DMD: variants seen among roughly 807,000 people sequenced by gnomAD.
DMD encodes mutant dystrophin.
A neutral mutation model predicts 330.1 loss-of-function variants in DMD; 63 were observed. The observed-to-expected ratio is 0.19, with a 90% CI of 0.16 to 0.24. DMD has a LOEUF of 0.24. Ranked by LOEUF, DMD falls within the 10% of genes least tolerant of loss-of-function variation. The pLI, the probability that DMD is intolerant of heterozygous loss-of-function variation, is 1.00. For synonymous variants in DMD, 1,223 were observed against 959.8 expected (o/e 1.27, Z -5.07); for missense variants, 3,344 against 2,684.1 (o/e 1.25, Z -5.43).
intron 2 of DMD, among the ~76,000 whole-genome samples, chrX:32,886,326 A>AT (rs2084561726): frequency 1.8e-5 from 2 of 110,236 alleles, no homozygotes; most frequent in African/African-American, 6.6e-5. Context: ...AAACTGGTAA[A>AT]AAATAATAAT....
intron 37 of DMD, among the ~76,000 whole-genome samples, chrX:32,357,714 C>T: frequency 9.2e-6 from 1 of 108,231 alleles, no homozygotes; most frequent in South Asian, 4.0e-4. Context: ...ACATCAAGAA[C>T]TCTTCATTGC....
intron 2 of DMD, among the ~76,000 whole-genome samples, chrX:33,008,418 A>G (rs1404516568): frequency 9.0e-6 from 1 of 110,961 alleles, no homozygotes; most frequent in Non-Finnish European, 1.9e-5. Context: ...AATCTTGGTA[A>G]GGTTAAAAAT....
intron 2 of DMD, among the ~76,000 whole-genome samples, chrX:32,902,552 T>C (rs891747549): frequency 9.0e-6 from 1 of 110,962 alleles, no homozygotes; most frequent in East Asian, 2.8e-4. Flanking sequence ...CCCAATGTAC[T>C]AATTTGAACT....
At chrX:32,332,852 CT>C (rs937791828) in intron 41 of DMD, among the ~76,000 whole-genome samples, 84 of 108,539 alleles carry the variant, frequency 7.7e-4, no homozygotes, top group African/African-American at 2.5e-3. Context: ...TTTTTTTTCT[CT>C]GAAAATTTGA....
intron 44 of DMD, among the ~76,000 whole-genome samples, chrX:32,200,515 G>A (rs979680043): frequency 5.4e-5 from 6 of 110,814 alleles, no homozygotes; most frequent in Admixed American, 3.8e-4. Context: ...ACATATGCAC[G>A]TGTTAGGTAA....
chrX:31,854,378 T>C (rs1252678273), intron 48 of DMD, among the ~76,000 whole-genome samples: 3 of 111,884 alleles, frequency 2.7e-5, no homozygotes. Context: ...AGGCTTTTCA[T>C]AGTAGGTCAG....
At chrX:32,953,397 A>G (rs1178149803) in intron 2 of DMD, among the ~76,000 whole-genome samples, 4 of 111,553 alleles carry the variant, frequency 3.6e-5, no homozygotes, top group African/African-American at 9.8e-5. Context: ...TAGTCTTTAT[A>G]TTTTTTGTCC....
At chrX:31,889,864 G>A (rs997791410) in intron 47 of DMD, among the ~76,000 whole-genome samples, 9 of 110,123 alleles carry the variant, frequency 8.2e-5, no homozygotes, top group Non-Finnish European at 1.3e-4. Flanking sequence ...GCATCAGCCT[G>A]GCTGATACAG....
intron 44 of DMD, among the ~76,000 whole-genome samples, chrX:32,196,903 G>A (rs1055772097): frequency 2.0e-5 from 2 of 97,697 alleles, no homozygotes; most frequent in Non-Finnish European, 4.0e-5. Flanking sequence ...GGAGAATGGC[G>A]TAAACCCGGG....
At chrX:32,787,213 AGTGTGTGT>A (rs72078806) in intron 7 of DMD, among the ~76,000 whole-genome samples, 79 of 83,371 alleles carry the variant, frequency 9.5e-4, no homozygotes, top group African/African-American at 3.4e-3. Context: ...CTCTCTGTCA[AGTGTGTGT>A]GTGTGTGTGT....
At chrX:31,475,256 A>G (rs946581912) in intron 59 of DMD, among the ~76,000 whole-genome samples, 1 of 112,148 alleles carries the variant, frequency 8.9e-6, no homozygotes, top group African/African-American at 3.2e-5. Flanking sequence ...GAGTTTTACC[A>G]ATCAGGGTAT....
rs762653874 is a variant in DMD at position 32,444,798 on chromosome X, G to C, written c.3787-3484C>G. On this transcript the variant is annotated intron_variant, in intron 27 of 78. Coordinates refer to ENST00000357033, the MANE Select transcript of DMD (RefSeq NM_004006.3). Reference sequence around the variant, plus strand: ...TTCTTCTTTCTCACCCTTTTATGGGGATAGGTAGGGTAAACTCATCTGAAT... The same window carrying C: ...TTCTTCTTTCTCACCCTTTTATGGGCATAGGTAGGGTAAACTCATCTGAAT... 1.8e-5 allele frequency among the ~76,000 whole-genome samples: 2 copies of C among 110,821 alleles called. 1 individual carries two copies. The highest frequency in any genetic ancestry group is 7.5e-4 in the South Asian group (2 of 2,655).
chrX:32,366,967 T>G (rs888502843), intron 34 of DMD, among the ~76,000 whole-genome samples: 3 of 112,338 alleles, frequency 2.7e-5, no homozygotes, highest in African/African-American at 9.7e-5. Flanking sequence ...GTGCTATTTG[T>G]TGCACACAGG....
At position 31,209,637 on chromosome X, in the gene DMD, C is replaced by G; in HGVS notation, c.9424G>C (p.Asp3142His). ...ATCTGCAGGATATCCATGGGCTGGT[C>G]ATTTTGCTTGAGGTTGTGCTGGTCC... ...ALDQHNLKQN[D>H]QPMDILQIIN... Residue 3142 changes from aspartate to histidine, a missense_variant, in exon 65 of 79, where the codon GAC becomes CAC. Coordinates refer to ENST00000357033, the MANE Select transcript of DMD (RefSeq NM_004006.3). 8.3e-7 allele frequency: 1 copy of G among 1,211,592 alleles called. No homozygotes were observed.
intron 43 of DMD, among the ~76,000 whole-genome samples, chrX:32,274,412 C>A (rs2148370813): frequency 8.9e-6 from 1 of 111,817 alleles, no homozygotes; most frequent in African/African-American, 3.2e-5. Context: ...TTTAAACTAA[C>A]CTCTAAGTGA....
At chrX:32,344,847 C>T (rs926761996) in intron 39 of DMD, among the ~76,000 whole-genome samples, 3 of 111,503 alleles carry the variant, frequency 2.7e-5, no homozygotes, top group African/African-American at 9.8e-5. Context: ...GTGTGAGTTA[C>T]ATAGCGTTCC....
intron 1 of DMD, among the ~76,000 whole-genome samples, chrX:33,266,292 G>T (rs1258964287): frequency 8.9e-6 from 1 of 111,923 alleles, no homozygotes; most frequent in Non-Finnish European, 1.9e-5. Flanking sequence ...CAACGTAGAT[G>T]ATTTTTGACC....
intron 36 of DMD, among the ~76,000 whole-genome samples, chrX:32,364,100 T>A (rs750610105): frequency 8.9e-6 from 1 of 111,973 alleles, no homozygotes; most frequent in Non-Finnish European, 1.9e-5. Flanking sequence ...CTAGTTTACA[T>A]GTAGTTAAAA....
At chrX:32,633,914 C>A (rs1413046060) in intron 11 of DMD, among the ~76,000 whole-genome samples, 4 of 111,478 alleles carry the variant, frequency 3.6e-5, no homozygotes, top group Non-Finnish European at 7.5e-5. Flanking sequence ...CCCCCATGAT[C>A]CAATGAGCTC....
Sources: allele counts gnomAD v4.1 joint callset (sites outside exome capture counted in the v4.1 genomes callset), GRCh38; gene constraint gnomAD v4.1.1; transcripts MANE v1.5; gene names NCBI Gene and HGNC (gene_info 2026-07-23, HGNC 2026-07-21).